The following MACROD2 variants were observed in gnomAD, a reference collection of about 807,000 sequenced individuals.
MACROD2 encodes the protein mono-ADP ribosylhydrolase 2.
MACROD2 carries 36 observed loss-of-function variants against 70.4 expected under a neutral mutation model. The observed-to-expected ratio is 0.51, with a 90% CI of 0.39 to 0.68. The LOEUF (loss-of-function observed/expected upper bound fraction) is 0.68. MACROD2 is among the 30% of genes least tolerant of loss of function. The pLI is 0.00. For missense variants in MACROD2, 496 were observed against 538.4 expected (o/e 0.92, Z 0.78); for synonymous variants, 172 against 178.8 (o/e 0.96, Z 0.30).
intron 5 of MACROD2, among the ~76,000 whole-genome samples, chr20:14,994,407 C>T (rs967530587): frequency 1.3e-5 from 2 of 151,886 alleles, no homozygotes; most frequent in African/African-American, 4.8e-5. Flanking sequence ...TCTCTTCCCA[C>T]CACCTGTTCT....
At chr20:15,277,734 G>T (rs1359442963) in intron 6 of MACROD2, among the ~76,000 whole-genome samples, 1 of 152,148 alleles carries the variant, frequency 6.6e-6, no homozygotes, top group Admixed American at 6.5e-5. Context: ...AGACTGTCTA[G>T]CTGGGTGATT....
At chr20:14,323,351 G>T (rs1247716142) in intron 3 of MACROD2, 1 of 152,130 alleles carries the variant, frequency 6.6e-6, no homozygotes, top group East Asian at 1.9e-4. Flanking sequence ...GATCCAGATG[G>T]CAGGAAACAT....
At chr20:15,406,149 T>C (rs1010082639) in intron 6 of MACROD2, among the ~76,000 whole-genome samples, 5 of 152,202 alleles carry the variant, frequency 3.3e-5, no homozygotes, top group African/African-American at 1.2e-4. Flanking sequence ...GATCATCTTA[T>C]CCTCACAGGA....
chr20:14,250,529 A>G (rs1405028733), intron 3 of MACROD2, among the ~76,000 whole-genome samples: 2 of 152,220 alleles, frequency 1.3e-5, no homozygotes, highest in African/African-American at 4.8e-5. Flanking sequence ...TGTCTAGGTC[A>G]GGAGTGCCCT....
intron 8 of MACROD2, among the ~76,000 whole-genome samples, chr20:15,538,742 A>AT (rs1157346146): frequency 1.3e-5 from 2 of 152,162 alleles, no homozygotes; most frequent in Non-Finnish European, 2.9e-5. Flanking sequence ...AAAACAATTG[A>AT]TTTTTTTGTA....
rs149455588 is a variant in MACROD2, at chr20:15,829,364, C to T, written c.646-33381C>T. ...CACATCGTATTCCGTGTTGTCTCAC[C>T]AGTTGATGGTTTAATTAGCACCTAG... On this transcript the variant is annotated intron_variant, in intron 8 of 17. Transcript: ENST00000684519. Among the ~76,000 whole-genome samples the T allele has an allele frequency of 3.1e-3, 470 of 152,276 alleles. 4 individuals are homozygous for T. Among genetic ancestry groups the T allele is most frequent in the African/African-American group, 0.011 (447 of 41,560 alleles).
intron 17 of MACROD2, among the ~76,000 whole-genome samples, chr20:16,047,709 C>T (rs2067402656): frequency 6.6e-6 from 1 of 152,180 alleles, no homozygotes; most frequent in Non-Finnish European, 1.5e-5. Context: ...CTGTCCTGCT[C>T]AGTCCAGGCC....
At chr20:14,341,748 C>G (rs961822401) in intron 3 of MACROD2, among the ~76,000 whole-genome samples, 4 of 152,162 alleles carry the variant, frequency 2.6e-5, no homozygotes, top group African/African-American at 9.7e-5. Flanking sequence ...CTAAGCCTTA[C>G]CTGCAAAATC....
intron 5 of MACROD2, among the ~76,000 whole-genome samples, chr20:14,968,469 G>C (rs1450052546): frequency 6.6e-6 from 1 of 152,114 alleles, no homozygotes; most frequent in Non-Finnish European, 1.5e-5. Flanking sequence ...CAACCCAGGG[G>C]GTTCTTTAAA....
intron 5 of MACROD2, among the ~76,000 whole-genome samples, chr20:15,051,418 C>A (rs2075440155): frequency 6.8e-6 from 1 of 147,482 alleles, no homozygotes; most frequent in Middle Eastern, 3.6e-3. Flanking sequence ...CTGACAGATC[C>A]AAAATCCGTA....
chr20:15,430,038 T>C (rs1297369808), intron 6 of MACROD2, among the ~76,000 whole-genome samples: 1 of 152,090 alleles, frequency 6.6e-6, no homozygotes, highest in Non-Finnish European at 1.5e-5. Flanking sequence ...TTTCTGTGAC[T>C]GAGTTATTTC....
chr20:14,978,377 C>A (rs545873308), intron 5 of MACROD2, among the ~76,000 whole-genome samples: 414 of 4,352 alleles, frequency 0.095, 6 homozygotes, highest in African/African-American at 0.17. Context: ...CGCGCCCCGC[C>A]CCCCCCACTT....
At chr20:15,696,683 T>G (rs1364507284) in intron 8 of MACROD2, among the ~76,000 whole-genome samples, 1 of 149,786 alleles carries the variant, frequency 6.7e-6, no homozygotes, top group Non-Finnish European at 1.5e-5. Flanking sequence ...CTGGAGTTTT[T>G]TTTTTTTTTT....
intron 2 of MACROD2, among the ~76,000 whole-genome samples, chr20:14,082,381 A>G (rs1218311111): frequency 2.1e-5 from 3 of 141,124 alleles, no homozygotes; most frequent in African/African-American, 7.9e-5. Context: ...TTTAGTAGAG[A>G]CGGAGTTTCA....
chr20:14,565,878 C>T (rs940653396), intron 4 of MACROD2, among the ~76,000 whole-genome samples: 1 of 151,950 alleles, frequency 6.6e-6, no homozygotes, highest in Non-Finnish European at 1.5e-5. Context: ...TTAGTTCCTT[C>T]CTTTCTTTTT....
chr20:15,191,931 T>TAG lies in MACROD2; in HGVS notation c.419-37996_419-37995dup, dbSNP rs10638417. ...ACACATATGTGTATATATATATATATAGAGAGAGAGAGAGTTAATACATAT... is the reference window on the plus strand; with the variant it reads ...ACACATATGTGTATATATATATATATAGAGAGAGAGAGAGAGTTAATACATAT... On this transcript the variant is annotated intron_variant, in intron 5 of 17. Coordinates refer to ENST00000684519, the MANE Select transcript of MACROD2 (RefSeq NM_001351661.2). Among the ~76,000 whole-genome samples the TAG allele has an allele frequency of 1.8e-3, 261 of 142,372 alleles. 3 individuals are homozygous for TAG. Among genetic ancestry groups the TAG allele is most frequent in the South Asian group, 0.015 (67 of 4,386 alleles). The allele number at this position is 142,372 out of a possible 152,430, so 93.4% of individuals were successfully genotyped here.
At chr20:15,373,230 T>A (rs1473635788) in intron 6 of MACROD2, among the ~76,000 whole-genome samples, 2 of 152,210 alleles carry the variant, frequency 1.3e-5, no homozygotes, top group Non-Finnish European at 2.9e-5. Context: ...GACCTCTTTT[T>A]GTTGCATTGA....
chr20:15,465,681 G>T (rs563347914), intron 7 of MACROD2, among the ~76,000 whole-genome samples: 4 of 152,226 alleles, frequency 2.6e-5, no homozygotes, highest in African/African-American at 9.6e-5. Flanking sequence ...CCTGCAGGTC[G>T]GGAGGAAGGG....
At chr20:15,884,868 T>A (rs1187556279) in intron 9 of MACROD2, among the ~76,000 whole-genome samples, 2 of 151,982 alleles carry the variant, frequency 1.3e-5, no homozygotes, top group Non-Finnish European at 2.9e-5. Flanking sequence ...TCTGGTGAGG[T>A]CCCTCTTCCT....
Sources: allele counts gnomAD v4.1 joint callset (sites outside exome capture counted in the v4.1 genomes callset), GRCh38; gene constraint gnomAD v4.1.1; transcripts MANE v1.5; gene names NCBI Gene and HGNC (gene_info 2026-07-23, HGNC 2026-07-21).